Variants in CCDC196 observed in about 807,000 individuals in gnomAD.
CCDC196 encodes the protein coiled-coil domain-containing protein 196.
At position 66,486,443 on chromosome 14, in the gene CCDC196, T is replaced by C. The variant is rs369072967; in HGVS notation, c.-60T>C. 2.2e-5 allele frequency: 9 copies of C among 402,100 alleles called. No individual in the cohort carries two copies. Among genetic ancestry groups the C allele is most frequent in the Admixed American group, 4.4e-5 (1 of 22,722 alleles). The allele number at this position is 402,100 out of a possible 1,614,324, so 24.9% of individuals were successfully genotyped here. A position where few individuals can be genotyped will look rare whatever the true frequency, so the allele number is the denominator to read the frequency against. On this transcript the variant is annotated 5_prime_UTR_variant, in exon 1 of 10. Transcript: ENST00000636229. The stretch of plus-strand genomic sequence containing the variant: ...GCACAAAAATAATGACTTAACTGGA[T>C]AGAAAAAAAGGCACATATTTTCAGG...
intron 8 of CCDC196, chr14:66,496,845 T>C (rs2057678116): frequency 6.4e-6 from 1 of 155,816 alleles, no homozygotes; most frequent in South Asian, 2.0e-4. Context: ...TGAGCTCTTC[T>C]GAGAAAAACC....
intron 8 of CCDC196, chr14:66,493,797 G>A (rs1193415972): frequency 2.6e-5 from 4 of 152,090 alleles, no homozygotes; most frequent in Non-Finnish European, 4.4e-5. Flanking sequence ...AAATTGGAAA[G>A]AATCCTGGAA....
intron 8 of CCDC196, chr14:66,496,385 C>T (rs1471077294): frequency 2.2e-6 from 1 of 455,942 alleles, no homozygotes; most frequent in African/African-American, 2.0e-5. Context: ...GATTTTGTTA[C>T]ACTTCAACAA....
chr14:66,493,593 A>T (rs1311289330), intron 8 of CCDC196, among the ~76,000 whole-genome samples: 1 of 152,186 alleles, frequency 6.6e-6, no homozygotes, highest in Non-Finnish European at 1.5e-5. Flanking sequence ...TGATAAAAAG[A>T]TATTAATCTG....
chr14:66,491,243 A>G, intron 6 of CCDC196, 139 bp downstream of exon 6: 1 of 399,662 alleles, frequency 2.5e-6, no homozygotes, highest in East Asian at 3.6e-5. Context: ...TTGTGTTACT[A>G]TATTTGAGTT....
At chr14:66,497,967 A>G (rs2057705675) in intron 8 of CCDC196, 142 bp from the exon 9 acceptor site, 1 of 402,560 alleles carries the variant, frequency 2.5e-6, no homozygotes, top group East Asian at 3.6e-5. Flanking sequence ...ATTGTTTGAC[A>G]AAGTTATTTT....
chr14:66,490,957 T>G (rs2057521678), intron 5 of CCDC196, 64 bp from the exon 6 acceptor site: 1 of 413,218 alleles, frequency 2.4e-6, no homozygotes, highest in Non-Finnish European at 4.4e-6. Context: ...ATTTATGGCC[T>G]GCTGAGACAT....
chr14:66,489,850 G>A (rs981287456), intron 4 of CCDC196, among the ~76,000 whole-genome samples: 1 of 152,212 alleles, frequency 6.6e-6, no homozygotes, highest in Non-Finnish European at 1.5e-5. Context: ...GAGCCAGGGA[G>A]TAGGGGGAAG....
intron 4 of CCDC196, among the ~76,000 whole-genome samples, chr14:66,490,303 A>G (rs777655089): frequency 5.9e-5 from 9 of 152,212 alleles, no homozygotes; most frequent in Non-Finnish European, 1.0e-4. Context: ...CACAGGCTTC[A>G]GAATCAGAAA....
chr14:66,492,135 T>C lies in CCDC196; in HGVS notation c.656T>C (p.Leu219Pro), dbSNP rs1040880534. The change falls in exon 8 of 10, where the codon CTG becomes CCG. Residue 219 changes from leucine (L) to proline (P), a missense_variant. Physicochemically the swap from Leu to Pro is moderately conservative, Grantham distance 98. Coordinates refer to ENST00000636229, the MANE Select transcript of CCDC196 (RefSeq NM_001351576.1). ...YQKANDLKLS[L>P]YLQQNFEPMQ... ...AAGGCCAATGACCTGAAATTATCAC[T>C]GTATTTGCAGCAGAATTTTGAGCCA... is the stretch of plus-strand genomic sequence containing the variant. 13 of 413,674 alleles carry C rather than the reference T, an allele frequency of 3.1e-5. No homozygotes were observed. In the Admixed American group the frequency reaches 5.7e-4, roughly 18 times the overall value. The allele number at this position is 413,674 out of a possible 1,614,324, so 25.6% of individuals were successfully genotyped here.
intron 7 of CCDC196, 40 bp downstream of exon 7, chr14:66,491,725 C>T (rs1157221966): frequency 1.5e-5 from 6 of 413,388 alleles, no homozygotes; most frequent in African/African-American, 2.1e-5. Flanking sequence ...GATGCAATTT[C>T]ATTCATATAA....
At chr14:66,497,901 CCT>C (rs960021319) in intron 8 of CCDC196, among the ~76,000 whole-genome samples, 5 of 151,848 alleles carry the variant, frequency 3.3e-5, no homozygotes, top group African/African-American at 9.7e-5. Context: ...GATTTTTCCC[CCT>C]GTGGGACATG....
intron 8 of CCDC196, chr14:66,494,654 A>T (rs978481622): frequency 3.3e-5 from 5 of 152,210 alleles, no homozygotes; most frequent in African/African-American, 1.2e-4. Flanking sequence ...TACACAAAAA[A>T]CAAGATTTTA....
At chr14:66,495,076 C>G (rs1384671700) in intron 8 of CCDC196, among the ~76,000 whole-genome samples, 1 of 151,020 alleles carries the variant, frequency 6.6e-6, no homozygotes, top group Non-Finnish European at 1.5e-5. Flanking sequence ...CAGCACCAAA[C>G]TGCAACTTTC....
chr14:66,498,223 A>G lies in CCDC196; in HGVS notation c.774+56A>G. 9.7e-6 allele frequency: 4 copies of G among 412,862 alleles called. No individual in the cohort carries two copies. The Admixed American group carries it at 1.3e-4, about 14-fold the overall frequency. The allele number at this position is 412,862 out of a possible 1,614,324, so 25.6% of individuals were successfully genotyped here. A position where few individuals can be genotyped will look rare whatever the true frequency, so the allele number is the denominator to read the frequency against. The stretch of plus-strand genomic sequence containing the variant: ...AATCGTTTTAAGGGCTTGAATAGAT[A>G]GTGGGTATAGATTTTTGGAATGCAT... On this transcript the variant is annotated intron_variant, in intron 9 of 9. Coordinates refer to ENST00000636229, the MANE Select transcript of CCDC196 (RefSeq NM_001351576.1).
Position 66,486,379 on chromosome 14 carries a change from T to C in CCDC196, c.-124T>C, listed in dbSNP as rs2057398265. On this transcript the variant is annotated 5_prime_UTR_variant, in exon 1 of 10. Coordinates refer to ENST00000636229, the MANE Select transcript of CCDC196 (RefSeq NM_001351576.1). ...AGGGCCATTGTGACCTCGCTGTAGC[T>C]AAGATCAGTCCACTGCAGCAGGAGT... 2.5e-6 allele frequency: 1 copy of C among 397,356 alleles called. No individual in the cohort carries two copies. Among genetic ancestry groups the C allele is most frequent in the Non-Finnish European group, 4.4e-6 (1 of 225,500 alleles). 24.6% of individuals were successfully genotyped at this position (397,356 alleles called of 1,614,324 possible). A position where few individuals can be genotyped will look rare whatever the true frequency, so the allele number is the denominator to read the frequency against.
chr14:66,498,048 G>A (rs1445673513), intron 8 of CCDC196, 61 bp from the exon 9 acceptor site: 1 of 396,880 alleles, frequency 2.5e-6, no homozygotes, highest in Non-Finnish European at 4.5e-6. Context: ...AACAAAACTA[G>A]TGGTTTTTTT....
intron 8 of CCDC196, among the ~76,000 whole-genome samples, chr14:66,495,459 T>C (rs1307965247): frequency 6.6e-6 from 1 of 152,230 alleles, no homozygotes; most frequent in African/African-American, 2.4e-5. Flanking sequence ...GCCAGGCTTC[T>C]TGGCTCCATA....
chr14:66,486,563 G>T lies in CCDC196; in HGVS notation c.50+11G>T. 1 of 412,602 alleles carries T rather than the reference G, an allele frequency of 2.4e-6. No homozygotes were observed. The allele number at this position is 412,602 out of a possible 1,614,324, so 25.6% of individuals were successfully genotyped here. Reference sequence around the variant, plus strand: ...GCCCTCAGAAATAAGGTGAGTCTTTGATGGAAAATGCTGAATAGAAAAGAG... The same window carrying T: ...GCCCTCAGAAATAAGGTGAGTCTTTTATGGAAAATGCTGAATAGAAAAGAG... On this transcript the variant is annotated intron_variant, in intron 1 of 9. Transcript: ENST00000636229.
Sources: allele counts gnomAD v4.1 joint callset (sites outside exome capture counted in the v4.1 genomes callset), GRCh38; gene constraint gnomAD v4.1.1; transcripts MANE v1.5; gene names NCBI Gene and HGNC (gene_info 2026-07-23, HGNC 2026-07-21).